LINGO2: variants seen among roughly 807,000 people sequenced by gnomAD.
LINGO2 encodes the protein leucine-rich repeat and immunoglobulin-like domain-containing nogo receptor-interacting protein 2.
LINGO2 carries 14 observed loss-of-function variants against 30.6 expected under a neutral mutation model. The observed-to-expected ratio is 0.46, with a 90% CI of 0.30 to 0.72. The LOEUF is 0.72. LINGO2 is among the 30% of genes least tolerant of loss of function. The probability of loss-of-function intolerance (pLI) is 0.07; values close to 1 mark genes in which losing one functional copy is unlikely to be tolerated. For missense variants in LINGO2, 729 were observed against 751.7 expected (o/e 0.97, Z 0.35); for synonymous variants, 317 against 288.5 (o/e 1.10, Z -1.00).
At chr9:28,066,498 C>T (rs747132743) in intron 4 of LINGO2, among the ~76,000 whole-genome samples, 3 of 152,168 alleles carry the variant, frequency 2.0e-5, no homozygotes, top group Admixed American at 1.3e-4. Flanking sequence ...TCAGTCCCTA[C>T]GGGGCTTCCC....
At chr9:28,539,827 G>A (rs1451750245) in intron 1 of LINGO2, among the ~76,000 whole-genome samples, 1 of 152,096 alleles carries the variant, frequency 6.6e-6, no homozygotes, top group East Asian at 1.9e-4. Flanking sequence ...AGTAGCATCT[G>A]GTAAGCATGC....
the LINGO2 span, among the ~76,000 whole-genome samples, chr9:28,692,892 ATGT>A: frequency 2.0e-5 from 3 of 152,144 alleles, no homozygotes; most frequent in South Asian, 2.1e-4. Flanking sequence ...AAATATGAAC[ATGT>A]TGTATCTTTT....
At chr9:27,949,726 A>G (rs1196608651) in exon 6 of LINGO2, 1 of 1,614,134 alleles carries the variant, frequency 6.2e-7, no homozygotes. Flanking sequence ...CCTTGGAAGG[A>G]GTGAGGCTCA....
chr9:28,684,620 G>C, the LINGO2 span, among the ~76,000 whole-genome samples: 10 of 151,384 alleles, frequency 6.6e-5, no homozygotes, highest in Non-Finnish European at 1.5e-4. Context: ...CCAGGTTCAA[G>C]TGATTCTCCT....
At chr9:28,550,536 A>G (rs1286997529) in intron 1 of LINGO2, among the ~76,000 whole-genome samples, 1 of 151,642 alleles carries the variant, frequency 6.6e-6, no homozygotes, top group Non-Finnish European at 1.5e-5. Context: ...ATATCTTTCA[A>G]ATTGTTCTAT....
chr9:27,963,612 T>A (rs1327030865), intron 5 of LINGO2, among the ~76,000 whole-genome samples: 4 of 151,810 alleles, frequency 2.6e-5, no homozygotes, highest in Non-Finnish European at 5.9e-5. Context: ...CACAAAACAA[T>A]AAATGGATAG....
At chr9:28,018,741 T>TG (rs1245026092) in intron 4 of LINGO2, among the ~76,000 whole-genome samples, 1 of 152,098 alleles carries the variant, frequency 6.6e-6, no homozygotes, top group Non-Finnish European at 1.5e-5. Context: ...TATACATTGC[T>TG]GGGGGGAATG....
chr9:28,679,484 A>G, the LINGO2 span, among the ~76,000 whole-genome samples: 2 of 152,076 alleles, frequency 1.3e-5, no homozygotes, highest in Admixed American at 6.6e-5. Context: ...AAAGTATAAG[A>G]TTCCAGATAC....
intron 4 of LINGO2, among the ~76,000 whole-genome samples, chr9:28,140,275 A>C (rs576797380): frequency 6.6e-6 from 1 of 152,172 alleles, no homozygotes; most frequent in African/African-American, 2.4e-5. Flanking sequence ...TTTCCCCCCA[A>C]ATTTCCGTAA....
chr9:28,537,774 A>G (rs1821499581), intron 1 of LINGO2, among the ~76,000 whole-genome samples: 1 of 152,060 alleles, frequency 6.6e-6, no homozygotes, highest in Non-Finnish European at 1.5e-5. Flanking sequence ...AGAATAGGGG[A>G]AAAGAGGCAA....
intron 1 of LINGO2, among the ~76,000 whole-genome samples, chr9:28,480,114 T>A (rs2135216138): frequency 6.6e-6 from 1 of 151,512 alleles, no homozygotes; most frequent in Middle Eastern, 3.4e-3. Context: ...TCATTGTAGG[T>A]CAATAATGGT....
At chr9:29,006,692 C>T in the LINGO2 span, among the ~76,000 whole-genome samples, 1 of 152,134 alleles carries the variant, frequency 6.6e-6, no homozygotes, top group East Asian at 1.9e-4. Context: ...TGAGTAAACA[C>T]GGGTTTCCTT....
the LINGO2 span, among the ~76,000 whole-genome samples, chr9:29,152,207 T>A: frequency 6.6e-6 from 1 of 152,126 alleles, no homozygotes; most frequent in Non-Finnish European, 1.5e-5. Context: ...CACTTATACA[T>A]TGTTTGTGGG....
chr9:28,891,077 T>C, the LINGO2 span, among the ~76,000 whole-genome samples: 55 of 152,178 alleles, frequency 3.6e-4, no homozygotes, highest in African/African-American at 1.2e-3. Context: ...GGCAAATGCA[T>C]ATCACAGATG....
chr9:29,174,194 A>G, the LINGO2 span, among the ~76,000 whole-genome samples: 1 of 152,128 alleles, frequency 6.6e-6, no homozygotes, highest in South Asian at 2.1e-4. Context: ...ATGATGATCT[A>G]TCTCACACTA....
chr9:27,963,994 C>T (rs1819976872), intron 5 of LINGO2, among the ~76,000 whole-genome samples: 1 of 152,012 alleles, frequency 6.6e-6, no homozygotes, highest in African/African-American at 2.4e-5. Flanking sequence ...GAGATGAAGC[C>T]CAAAGTCCCA....
At chr9:27,987,844 C>T (rs1218838850) in intron 5 of LINGO2, among the ~76,000 whole-genome samples, 1 of 151,860 alleles carries the variant, frequency 6.6e-6, no homozygotes, top group African/African-American at 2.4e-5. Flanking sequence ...CCAAATTGAC[C>T]TTCCCACAAA....
At chr9:28,633,356 T>C (rs1827093289) in intron 1 of LINGO2, among the ~76,000 whole-genome samples, 1 of 152,016 alleles carries the variant, frequency 6.6e-6, no homozygotes, top group Admixed American at 6.6e-5. Flanking sequence ...TTTCCAGAAA[T>C]GAAAGGTGAA....
intron 2 of LINGO2, among the ~76,000 whole-genome samples, chr9:28,425,666 C>A (rs558039992): frequency 1.3e-5 from 2 of 152,068 alleles, no homozygotes; most frequent in South Asian, 4.1e-4. Flanking sequence ...AAATCAAATC[C>A]AATGAAATCT....
Sources: allele counts gnomAD v4.1 joint callset (sites outside exome capture counted in the v4.1 genomes callset), GRCh38; gene constraint gnomAD v4.1.1; transcripts MANE v1.5; gene names NCBI Gene and HGNC (gene_info 2026-07-23, HGNC 2026-07-21).